Variants in FOXK1 observed in about 807,000 individuals in gnomAD.
FOXK1 encodes forkhead box K1.
Under a neutral mutation model 51.9 loss-of-function variants are expected in FOXK1, and 19 were observed. The observed-to-expected ratio is 0.37, with a 90% CI of 0.26 to 0.54. The LOEUF (loss-of-function observed/expected upper bound fraction) is 0.54. Ranked by LOEUF, FOXK1 falls within the 20% of genes least tolerant of loss-of-function variation. The pLI is 0.87. For missense variants in FOXK1, 870 were observed against 1,032.7 expected (o/e 0.84, Z 2.16); for synonymous variants, 537 against 482.6 (o/e 1.11, Z -1.48).
rs138347992 is a variant in FOXK1, at chr7:4,763,043, T to C, written c.*579T>C. On this transcript the variant is annotated 3_prime_UTR_variant, in exon 9 of 9. Coordinates refer to ENST00000328914, the MANE Select transcript of FOXK1 (RefSeq NM_001037165.2). ...TCACTTCAGACCCCAAGTTTTTCTT[T>C]GTTTGTTTAAACATGGAATTCAGAC... The C allele has an allele frequency of 6.5e-6, 1 of 154,544 alleles. No individual in the cohort carries two copies. Among genetic ancestry groups the C allele is most frequent in the Admixed American group, 6.4e-5 (1 of 15,694 alleles). The allele number at this position is 154,544 out of a possible 1,614,324, so 9.6% of individuals were successfully genotyped here.
chr7:4,697,144 G>A (rs1179962358), intron 1 of FOXK1, among the ~76,000 whole-genome samples: 2 of 152,146 alleles, frequency 1.3e-5, no homozygotes, highest in Admixed American at 6.5e-5. Context: ...GGAGTCCAGC[G>A]GCCTGGGCAC....
intron 2 of FOXK1, among the ~76,000 whole-genome samples, chr7:4,750,397 A>G (rs1199875566): frequency 6.7e-6 from 1 of 150,228 alleles, no homozygotes; most frequent in Admixed American, 6.6e-5. Context: ...GCTCTTTCTC[A>G]TTCCCGCAGG....
At position 4,683,194 on chromosome 7, in the gene FOXK1, G is replaced by T. The variant is rs937271129; in HGVS notation, c.560+326G>T. On this transcript the variant is annotated intron_variant, in intron 1 of 8. Coordinates refer to ENST00000328914, the MANE Select transcript of FOXK1 (RefSeq NM_001037165.2). The surrounding 1 kb of genome is among the most constrained non-coding windows in gnomAD (Gnocchi z 4.5). Reference sequence around the variant, plus strand: ...CCTGACCCACACCTTGCGGCTCCTGGGGTCACCCCTGACCTCATCTCCCAC... The same window carrying T: ...CCTGACCCACACCTTGCGGCTCCTGTGGTCACCCCTGACCTCATCTCCCAC... 2.7e-5 allele frequency among the ~76,000 whole-genome samples: 4 copies of T among 150,816 alleles called. No homozygotes were observed. The highest frequency in any genetic ancestry group is 9.8e-5 in the African/African-American group (4 of 41,008).
chr7:4,755,852 CT>C lies in FOXK1; in HGVS notation c.1050+475del, dbSNP rs945515941. Among the ~76,000 whole-genome samples, 5 of 152,196 alleles carry C rather than the reference CT, an allele frequency of 3.3e-5. No individual in the cohort carries two copies. The highest frequency in any genetic ancestry group is 1.2e-4 in the African/African-American group (5 of 41,458). On this transcript the variant is annotated intron_variant, in intron 4 of 8. Coordinates refer to ENST00000328914, the MANE Select transcript of FOXK1 (RefSeq NM_001037165.2). The surrounding 1 kb of genome is among the most constrained non-coding windows in gnomAD (Gnocchi z 6.6). ...TGTGATACCATTGTGTCTAAATACT[CT>C]TTTTTATTAGTTTCCTTCTTCTGAG...
intron 1 of FOXK1, among the ~76,000 whole-genome samples, chr7:4,701,735 TA>T (rs1780023257): frequency 6.6e-6 from 1 of 151,954 alleles, no homozygotes; most frequent in Non-Finnish European, 1.5e-5. Flanking sequence ...CTACTAAAAA[TA>T]CAAAAAATTA....
rs532083006 is a variant in FOXK1 at position 4,692,705 on chromosome 7, C to T, written c.560+9837C>T. Reference sequence around the variant, plus strand: ...CTGGGATTACAGGCTTGAGCCACCGCACCCGGCTGGGTAGTTTCTTTTTTT... The same window carrying T: ...CTGGGATTACAGGCTTGAGCCACCGTACCCGGCTGGGTAGTTTCTTTTTTT... On this transcript the variant is annotated intron_variant, in intron 1 of 8. Transcript: ENST00000328914. 9.2e-5 allele frequency among the ~76,000 whole-genome samples: 14 copies of T among 152,168 alleles called. No individual in the cohort carries two copies. The South Asian group carries it at 2.5e-3, about 27-fold the overall frequency.
rs571043562 is a variant in FOXK1 at position 4,704,715 on chromosome 7, T to C, written c.560+21847T>C. Among the ~76,000 whole-genome samples, 5 of 152,144 alleles carry C rather than the reference T, an allele frequency of 3.3e-5. No individual in the cohort carries two copies. In the South Asian group the frequency reaches 6.2e-4, roughly 19 times the overall value. On this transcript the variant is annotated intron_variant, in intron 1 of 8. Transcript: ENST00000328914. Reference sequence around the variant, plus strand: ...CGGATCACGGGCCCATCTGTAGTTATACTTTTTAAATTTTTTTTCTTCTGT... The same window carrying C: ...CGGATCACGGGCCCATCTGTAGTTACACTTTTTAAATTTTTTTTCTTCTGT...
chr7:4,698,934 C>T (rs1386026232), intron 1 of FOXK1, among the ~76,000 whole-genome samples: 1 of 152,160 alleles, frequency 6.6e-6, no homozygotes, highest in Non-Finnish European at 1.5e-5. Context: ...ATGATCCACC[C>T]ACCTCGGCCT....
In FOXK1 at chr7:4,740,936, C is replaced by G; in HGVS notation, c.659C>G (p.Pro220Arg). Residue 220 changes from proline (P) to arginine (R), a missense_variant, in exon 2 of 9, where the codon CCC becomes CGC. By Grantham distance (103) the Pro-to-Arg change is moderately radical (BLOSUM62 -2). This residue lies in a region of FOXK1 where 399 missense variants were observed against 475.6 expected (regional missense o/e 0.84). Transcript: ENST00000328914. ...APASPLRPLYPQISPLKIHIP... is the reference protein window; with the variant it reads ...APASPLRPLYRQISPLKIHIP... ...GCCTCCCCGCTGCGGCCACTGTACC[C>G]CCAGATCTCCCCTCTGAAGATCCAC... 6.3e-7 allele frequency: 1 copy of G among 1,583,156 alleles called. No homozygotes were observed. The highest frequency in any genetic ancestry group is 8.6e-7 in the Non-Finnish European group (1 of 1,167,102).
In FOXK1 at chr7:4,726,678, G is replaced by C. The variant is rs1419924514; in HGVS notation, c.561-14160G>C. Among the ~76,000 whole-genome samples, 6 of 151,440 alleles carry C rather than the reference G, an allele frequency of 4.0e-5. No homozygotes were observed. The South Asian group carries it at 1.0e-3, about 26-fold the overall frequency. On this transcript the variant is annotated intron_variant, in intron 1 of 8. Transcript: ENST00000328914. ...GGTGCCTGAGTCCAGAAGACAGACA[G>C]CGGGAGCTCACTCCTGCCATGTCGC...
At chr7:4,698,356 A>C (rs947366776) in intron 1 of FOXK1, among the ~76,000 whole-genome samples, 1 of 151,888 alleles carries the variant, frequency 6.6e-6, no homozygotes, top group Non-Finnish European at 1.5e-5. Flanking sequence ...TAATACCACA[A>C]CATGCATTGC....
intron 1 of FOXK1, among the ~76,000 whole-genome samples, chr7:4,697,601 C>T (rs576267402): frequency 6.6e-6 from 1 of 152,296 alleles, no homozygotes; most frequent in Non-Finnish European, 1.5e-5. Context: ...AGTGCGTTTA[C>T]CTGGGTTCAT....
chr7:4,688,822 A>G (rs1197781741), intron 1 of FOXK1, among the ~76,000 whole-genome samples: 3 of 151,838 alleles, frequency 2.0e-5, no homozygotes, highest in Non-Finnish European at 2.9e-5. Flanking sequence ...CGGGGATTCC[A>G]TCAGACTCAA....
chr7:4,694,598 T>G (rs1009084439), intron 1 of FOXK1, among the ~76,000 whole-genome samples: 2 of 152,200 alleles, frequency 1.3e-5, no homozygotes, highest in African/African-American at 4.8e-5. Flanking sequence ...CACAAATGGA[T>G]TCTGGGGCTT....
At position 4,756,957 on chromosome 7, in the gene FOXK1, T is replaced by G. The variant is rs1780860950; in HGVS notation, c.1051-37T>G. 1 of 1,602,344 alleles carries G rather than the reference T, an allele frequency of 6.2e-7. No individual in the cohort carries two copies. The highest frequency in any genetic ancestry group is 1.7e-5 in the Admixed American group (1 of 59,094). On this transcript the variant is annotated intron_variant, in intron 4 of 8. Transcript: ENST00000328914. This position sits in a 1 kb window ranked among gnomAD's most constrained non-coding sequence, Gnocchi z 4.1. ...AGGTGGGTGGGACTCATTTTCTGAT[T>G]TGCTGGTGATGGGTGAATATCTCTG...
At chr7:4,742,132 C>T (rs961589044) in intron 2 of FOXK1, among the ~76,000 whole-genome samples, 14 of 152,256 alleles carry the variant, frequency 9.2e-5, no homozygotes, top group African/African-American at 2.9e-4. Flanking sequence ...CTGCGTCGCT[C>T]GCGCGTCACC....
Position 4,758,886 on chromosome 7 carries a change from T to C in FOXK1, c.1245-165T>C. Reference sequence around the variant, plus strand: ...CCCACTCAAATGGAGTTTTAAAGGCTGGGTTCAGGTTACGGGGGCGTTTCT... The same window carrying C: ...CCCACTCAAATGGAGTTTTAAAGGCCGGGTTCAGGTTACGGGGGCGTTTCT... On this transcript the variant is annotated intron_variant, in intron 5 of 8. Coordinates refer to ENST00000328914, the MANE Select transcript of FOXK1 (RefSeq NM_001037165.2). This position sits in a 1 kb window ranked among gnomAD's most constrained non-coding sequence, Gnocchi z 4.4. 1 of 684,304 alleles carries C rather than the reference T, an allele frequency of 1.5e-6. No individual in the cohort carries two copies. Among genetic ancestry groups the C allele is most frequent in the Non-Finnish European group, 2.4e-6 (1 of 417,566 alleles). 42.4% of individuals were successfully genotyped at this position (684,304 alleles called of 1,614,324 possible). A position where few individuals can be genotyped will look rare whatever the true frequency, so the allele number is the denominator to read the frequency against.
intron 1 of FOXK1, among the ~76,000 whole-genome samples, chr7:4,714,378 A>G (rs1487870452): frequency 6.6e-6 from 1 of 151,972 alleles, no homozygotes; most frequent in East Asian, 1.9e-4. Context: ...TCTGGGGTTC[A>G]AGTGATTCTC....
chr7:4,759,862 C>T (rs180677441), intron 7 of FOXK1: 3 of 554,810 alleles, frequency 5.4e-6, no homozygotes, highest in Non-Finnish European at 6.4e-6. Context: ...GAAACCCCGT[C>T]TCTACTGAAA....
Sources: allele counts gnomAD v4.1 joint callset (sites outside exome capture counted in the v4.1 genomes callset), GRCh38; gene constraint gnomAD v4.1.1; regional missense constraint gnomAD v4.1.1; non-coding constraint Gnocchi (gnomAD v3.1); transcripts MANE v1.5; gene names NCBI Gene and HGNC (gene_info 2026-07-23, HGNC 2026-07-21).